The following RTEL1 variants were observed in gnomAD, a reference collection of about 807,000 sequenced individuals.
The protein encoded by RTEL1 is regulator of telomere elongation helicase 1.
RTEL1 carries 86 observed loss-of-function variants against 162.2 expected under a neutral mutation model. The observed-to-expected ratio is 0.53, with a 90% CI of 0.45 to 0.63. RTEL1 has a LOEUF of 0.63. RTEL1 is among the 30% of genes least tolerant of loss of function. RTEL1 has a pLI of 0.00. For missense variants in RTEL1, 1,941 were observed against 1,750.2 expected, an observed-to-expected ratio of 1.11 and a Z score of -1.95; for synonymous variants, 958 against 717.9, an observed-to-expected ratio of 1.33 and a Z score of -5.35.
intron 13 of RTEL1, 70 bp from the exon 14 acceptor site, chr20:63,680,594 G>A: frequency 6.5e-7 from 1 of 1,548,950 alleles, no homozygotes; most frequent in Non-Finnish European, 8.9e-7. Context: ...GCTCATGCTG[G>A]AAGGGCCGGG....
At chr20:63,692,548 C>G in intron 28 of RTEL1, 1 of 555,574 alleles carries the variant, frequency 1.8e-6, no homozygotes, top group East Asian at 3.0e-5. Context: ...GAGGCAGAGC[C>G]AATCTACCCT....
intron 27 of RTEL1, 133 bp downstream of exon 27, chr20:63,691,080 G>T: frequency 9.9e-7 from 1 of 1,011,698 alleles, no homozygotes; most frequent in Non-Finnish European, 1.4e-6. Flanking sequence ...GCGGGCAAGC[G>T]GGCGGGGGAT....
In RTEL1 at chr20:63,693,160, C is replaced by G. The variant is rs398123018; in HGVS notation, c.2869C>G (p.Arg957Gly). ...NLLQGFYQFV[R>G]PHHKQQFEEV... is the part of the protein sequence containing the mutation. ...CTCTACAGGCTTCTACCAGTTTGTG[C>G]GGCCCCACCATAAGCAGCAGTTTGA... The change falls in exon 30 of 35, where the codon CGG becomes GGG. Residue 957 changes from arginine (R) to glycine (G), a missense_variant. Transcript: ENST00000360203. The G allele has an allele frequency of 2.5e-6, 4 of 1,612,156 alleles. No homozygotes were observed. The highest frequency in any genetic ancestry group is 2.5e-6 in the Non-Finnish European group (3 of 1,179,546).
Position 63,694,412 on chromosome 20 carries a change from T to A in RTEL1, c.3033T>A (p.Ala1011=), listed in dbSNP as rs574653429. Residue 1011 remains alanine, a synonymous_variant, in exon 31 of 35, where the codon GCT becomes GCA. Transcript: ENST00000360203. The stretch of plus-strand genomic sequence containing the variant: ...ATCCCAAGCTGACCGTGTCCACGGC[T>A]GCAGCCCAGCAGCTGGACCCCCAAG... ...APDPKLTVST[A]AAQQLDPQEH... The A allele has an allele frequency of 6.2e-7, 1 of 1,612,298 alleles. No homozygotes were observed. Among genetic ancestry groups the A allele is most frequent in the African/African-American group, 1.3e-5 (1 of 75,024 alleles).
chr20:63,692,171 G>A (rs1382624123), intron 28 of RTEL1: 1 of 266,628 alleles, frequency 3.8e-6, no homozygotes, highest in African/African-American at 2.2e-5. Flanking sequence ...TTGGATCAAA[G>A]AACGGAGTTA....
intron 14 of RTEL1, 68 bp from the exon 15 acceptor site, chr20:63,685,455 C>A: frequency 6.7e-7 from 1 of 1,503,368 alleles, no homozygotes. Context: ...TCTGTGTATG[C>A]GGCTGATGCT....
chr20:63,663,498 C>T (rs1223120697), intron 6 of RTEL1, among the ~76,000 whole-genome samples: 3 of 152,200 alleles, frequency 2.0e-5, no homozygotes, highest in Non-Finnish European at 4.4e-5. Flanking sequence ...TGTGACTGCA[C>T]GTGGCCACAG....
chr20:63,663,601 T>C (rs146386138), intron 6 of RTEL1, among the ~76,000 whole-genome samples: 196 of 152,286 alleles, frequency 1.3e-3, no homozygotes, highest in African/African-American at 4.5e-3. Context: ...CTAGAGACAG[T>C]GGCAGGGTGC....
chr20:63,691,159 G>A (rs1219318701), intron 27 of RTEL1, among the ~76,000 whole-genome samples: 1 of 152,026 alleles, frequency 6.6e-6, no homozygotes, highest in African/African-American at 2.4e-5. Flanking sequence ...CCCAGGTGGT[G>A]CATGCCCTGG....
Position 63,662,607 on chromosome 20 carries a change from CAAG to C in RTEL1, c.459_461del (p.Glu154del). On this transcript the variant is annotated inframe_deletion, in exon 5 of 35. Coordinates refer to ENST00000360203, the MANE Select transcript of RTEL1 (RefSeq NM_001283009.2). ...GTGCATCCATCCTGAGGTGAAGAAA[CAAG>C]AGAGTAACCATCTACAGGTAGGCTC... 6.2e-7 allele frequency: 1 copy of C among 1,614,012 alleles called. No individual in the cohort carries two copies. The highest frequency in any genetic ancestry group is 1.7e-5 in the Admixed American group (1 of 59,998).
Position 63,661,182 on chromosome 20 carries a change from T to G in RTEL1, c.103-116T>G, listed in dbSNP as rs1312215335. On this transcript the variant is annotated intron_variant, in intron 2 of 34. Coordinates refer to ENST00000360203, the MANE Select transcript of RTEL1 (RefSeq NM_001283009.2). The surrounding 1 kb of genome is among the most constrained non-coding windows in gnomAD (Gnocchi z 5.1). ...CCACAGGGCTCTCGCCACCTGGCAG[T>G]GGCCTCTGCATCTGCAAAGAGCTGC... 1.1e-6 allele frequency: 1 copy of G among 897,668 alleles called. No homozygotes were observed. Among genetic ancestry groups the G allele is most frequent in the Non-Finnish European group, 1.7e-6 (1 of 586,674 alleles). 55.6% of individuals were successfully genotyped at this position (897,668 alleles called of 1,614,324 possible).
intron 32 of RTEL1, 25 bp from the exon 33 acceptor site, chr20:63,695,041 C>T (rs374948844): frequency 2.0e-5 from 33 of 1,610,182 alleles, no homozygotes; most frequent in South Asian, 9.9e-5. Context: ...GGGGCTGTGC[C>T]GGGTCTGATT....
chr20:63,678,390 G>A, intron 12 of RTEL1, 44 bp downstream of exon 12: 1 of 1,568,206 alleles, frequency 6.4e-7, no homozygotes, highest in African/African-American at 1.3e-5. Flanking sequence ...GCCCAGCCTA[G>A]AGCTAGAAAC....
In RTEL1 at chr20:63,695,912, A is replaced by G. The variant is rs1285458403; in HGVS notation, c.*54A>G. The G allele has an allele frequency of 6.6e-7, 1 of 1,514,058 alleles. No homozygotes were observed. The allele number at this position is 1,514,058 out of a possible 1,614,324, so 93.8% of individuals were successfully genotyped here. On this transcript the variant is annotated 3_prime_UTR_variant, in exon 35 of 35. Transcript: ENST00000360203. ...ACGTGGCTTGATCACCTGCCTGTCC[A>G]GCTCTGGTGGGCCAAGAACCCACCC... is the stretch of plus-strand genomic sequence containing the variant.
chr20:63,694,229 A>G lies in RTEL1; in HGVS notation c.2993-143A>G, dbSNP rs1172225376. On this transcript the variant is annotated intron_variant, in intron 30 of 34. Coordinates refer to ENST00000360203, the MANE Select transcript of RTEL1 (RefSeq NM_001283009.2). Reference sequence around the variant, plus strand: ...TGGTGTCTCCTCTGATGCCCCCAGCACCCAGGCGTGTACCTGCCTGGGTTT... The same window carrying G: ...TGGTGTCTCCTCTGATGCCCCCAGCGCCCAGGCGTGTACCTGCCTGGGTTT... The G allele has an allele frequency of 1.1e-5, 8 of 708,114 alleles. No individual in the cohort carries two copies. The East Asian group carries it at 1.8e-4, about 15-fold the overall frequency. The allele number at this position is 708,114 out of a possible 1,614,324, so 43.9% of individuals were successfully genotyped here.
At chr20:63,691,937 G>A in intron 28 of RTEL1, 100 bp downstream of exon 28, 1 of 867,596 alleles carries the variant, frequency 1.2e-6, no homozygotes, top group Admixed American at 2.2e-5. Flanking sequence ...TGGGACCAGG[G>A]AATCCACCCC....
rs994536963 is a variant in RTEL1, at chr20:63,681,243, T to G, written c.1191+524T>G. The G allele has an allele frequency of 3.0e-6, 3 of 985,432 alleles. No individual in the cohort carries two copies. In the African/African-American group the frequency reaches 5.2e-5, roughly 17 times the overall value. The allele number at this position is 985,432 out of a possible 1,614,324, so 61.0% of individuals were successfully genotyped here. A position where few individuals can be genotyped will look rare whatever the true frequency, so the allele number is the denominator to read the frequency against. Reference sequence around the variant, plus strand: ...ATGCCCGTCCCATGTGAGGTCTGCTTCTGGCTCCATGCCTATGGCAGCACC... The same window carrying G: ...ATGCCCGTCCCATGTGAGGTCTGCTGCTGGCTCCATGCCTATGGCAGCACC... On this transcript the variant is annotated intron_variant, in intron 14 of 34. Coordinates refer to ENST00000360203, the MANE Select transcript of RTEL1 (RefSeq NM_001283009.2).
At chr20:63,685,408 G>T in intron 14 of RTEL1, 115 bp from the exon 15 acceptor site, 1 of 1,036,448 alleles carries the variant, frequency 9.6e-7, no homozygotes, top group East Asian at 2.6e-5. Context: ...GATGGCAGGG[G>T]CCGGTGAACC....
intron 30 of RTEL1, 39 bp from the exon 31 acceptor site, chr20:63,694,333 G>C: frequency 1.2e-6 from 1 of 850,946 alleles, no homozygotes; most frequent in Non-Finnish European, 1.9e-6. Flanking sequence ...CTTTCCAGAT[G>C]CTCTCGACCA....
Sources: allele counts gnomAD v4.1 joint callset (sites outside exome capture counted in the v4.1 genomes callset), GRCh38; gene constraint gnomAD v4.1.1; non-coding constraint Gnocchi (gnomAD v3.1); transcripts MANE v1.5; gene names NCBI Gene and HGNC (gene_info 2026-07-23, HGNC 2026-07-21).